TASP1: variants seen among roughly 807,000 people sequenced by gnomAD.
TASP1 encodes the protein taspase 1.
Under a neutral mutation model 56.6 loss-of-function variants are expected in TASP1, and 16 were observed. That is an observed-to-expected ratio of 0.28 (90% CI 0.19 to 0.43). The LOEUF is 0.43. Among genes scored for constraint, TASP1 ranks in the 20% least tolerant of loss-of-function variants. TASP1 has a pLI of 1.00. For synonymous variants in TASP1, 179 were observed against 184.2 expected (o/e 0.97, Z 0.23); for missense variants, 393 against 511.6 (o/e 0.77, Z 2.24).
the TASP1 span, among the ~76,000 whole-genome samples, chr20:13,276,621 G>A: frequency 6.6e-6 from 1 of 152,184 alleles, no homozygotes; most frequent in Non-Finnish European, 1.5e-5. Context: ...CTTCAATTAT[G>A]TGTGTTAAGG....
the TASP1 span, among the ~76,000 whole-genome samples, chr20:13,377,698 G>A: frequency 6.6e-6 from 1 of 152,078 alleles, no homozygotes; most frequent in Admixed American, 6.5e-5. Context: ...GAATCCATCT[G>A]GTCCTAGGTT....
At chr20:13,603,374 CA>C (rs147348649) in intron 4 of TASP1, among the ~76,000 whole-genome samples, 8 of 146,578 alleles carry the variant, frequency 5.5e-5, no homozygotes, top group South Asian at 4.3e-4. Context: ...TCAGTCTCTA[CA>C]AAAAAAAAAT....
At chr20:13,170,214 T>A in the TASP1 span, among the ~76,000 whole-genome samples, 1 of 152,204 alleles carries the variant, frequency 6.6e-6, no homozygotes, top group Non-Finnish European at 1.5e-5. Flanking sequence ...ATTCAAGTTA[T>A]GAGGGGATTA....
Position 13,435,044 on chromosome 20 carries a change from C to A in TASP1, c.1096G>T (p.Val366Leu). 1 of 1,606,032 alleles carries A rather than the reference C, an allele frequency of 6.2e-7. No individual in the cohort carries two copies. Among genetic ancestry groups the A allele is most frequent in the Non-Finnish European group, 8.5e-7 (1 of 1,175,218 alleles). ...DSSQNKQTLL[V>L]EFLWSHTTES... ...CACACAATGTATATGTCTCACTTAC[C>A]TAGAAGTGTCTGCTTATTTTGGGAG... The change falls in exon 12 of 14, where the codon GTG becomes TTG. Residue 366 changes from valine to leucine, a missense_variant and splice_region_variant. By Grantham distance (32) the Val-to-Leu change is conservative. Around this residue, in one of 3 missense-constraint regions of TASP1, gnomAD observed 293 missense variants for 354.2 expected, o/e 0.83. Coordinates refer to ENST00000337743, the MANE Select transcript of TASP1 (RefSeq NM_017714.3).
intron 11 of TASP1, among the ~76,000 whole-genome samples, chr20:13,454,794 C>G (rs1457042762): frequency 6.6e-6 from 1 of 152,100 alleles, no homozygotes; most frequent in African/African-American, 2.4e-5. Context: ...GTGTCAGTCC[C>G]TGGAGGCCTT....
At chr20:13,126,463 C>A in the TASP1 span, 4 of 1,070,592 alleles carry the variant, frequency 3.7e-6, no homozygotes, top group South Asian at 1.9e-5. Flanking sequence ...AAGTTGGACC[C>A]CATTCATCTT....
intron 4 of TASP1, among the ~76,000 whole-genome samples, chr20:13,612,969 G>A (rs1035467647): frequency 6.6e-6 from 1 of 152,120 alleles, no homozygotes; most frequent in Non-Finnish European, 1.5e-5. Context: ...TATAGAGGAT[G>A]GGTTTGAAGG....
intron 1 of TASP1, among the ~76,000 whole-genome samples, chr20:13,637,952 AATGT>A (rs1374050077): frequency 1.3e-5 from 2 of 152,242 alleles, no homozygotes; most frequent in Admixed American, 6.5e-5. Flanking sequence ...CAATGAACAC[AATGT>A]ATGTAACTAT....
At chr20:13,506,797 TAACATCA>T (rs1771217706) in intron 10 of TASP1, among the ~76,000 whole-genome samples, 1 of 151,576 alleles carries the variant, frequency 6.6e-6, no homozygotes, top group African/African-American at 2.4e-5. Flanking sequence ...GCTTTTCCTC[TAACATCA>T]GGAACAAGAT....
the TASP1 span, among the ~76,000 whole-genome samples, chr20:13,201,346 C>T: frequency 2.0e-5 from 3 of 151,740 alleles, no homozygotes; most frequent in East Asian, 3.9e-4. Flanking sequence ...ATTTCAGATG[C>T]GCTTTGGTGG....
intron 11 of TASP1, among the ~76,000 whole-genome samples, chr20:13,481,208 T>A (rs1341908697): frequency 1.3e-5 from 2 of 152,174 alleles, no homozygotes; most frequent in Non-Finnish European, 2.9e-5. Flanking sequence ...TCACTTAACA[T>A]AATGATCTCC....
At chr20:13,638,135 T>G (rs1371807528) in intron 1 of TASP1, among the ~76,000 whole-genome samples, 2 of 152,222 alleles carry the variant, frequency 1.3e-5, no homozygotes, top group Non-Finnish European at 2.9e-5. Context: ...CACTGCTTTT[T>G]GTAAGTGGTG....
chr20:13,552,974 T>C (rs1012979395), intron 8 of TASP1, among the ~76,000 whole-genome samples: 1 of 152,142 alleles, frequency 6.6e-6, no homozygotes, highest in African/African-American at 2.4e-5. Context: ...CTCACTCTGT[T>C]GCCCAGGCTG....
the TASP1 span, among the ~76,000 whole-genome samples, chr20:13,109,957 C>T: frequency 2.0e-5 from 3 of 152,150 alleles, no homozygotes; most frequent in South Asian, 4.1e-4. Flanking sequence ...GAAAAATAGA[C>T]CTCTGTCTCT....
At chr20:13,515,086 GT>G (rs1222910017) in intron 10 of TASP1, among the ~76,000 whole-genome samples, 5 of 152,192 alleles carry the variant, frequency 3.3e-5, no homozygotes, top group African/African-American at 9.6e-5. Context: ...ATCTTTTCAA[GT>G]TAGCAGTTTG....
chr20:13,379,755 T>C, the TASP1 span, among the ~76,000 whole-genome samples: 4 of 152,338 alleles, frequency 2.6e-5, no homozygotes, highest in African/African-American at 9.6e-5. Flanking sequence ...CTCATATTTC[T>C]TGGAGGCTTT....
At chr20:13,277,880 G>A in the TASP1 span, among the ~76,000 whole-genome samples, 14 of 152,026 alleles carry the variant, frequency 9.2e-5, no homozygotes, top group East Asian at 1.9e-4. Context: ...ACCACAGCCC[G>A]GGCCCATTGG....
intron 6 of TASP1, among the ~76,000 whole-genome samples, chr20:13,576,237 G>T: frequency 7.3e-6 from 1 of 136,664 alleles, no homozygotes; most frequent in Non-Finnish European, 1.6e-5. Context: ...GGGGAGGGGA[G>T]CGGAGGGAAG....
At chr20:13,413,231 C>T (rs1214038771) in intron 13 of TASP1, among the ~76,000 whole-genome samples, 1 of 152,144 alleles carries the variant, frequency 6.6e-6, no homozygotes, top group Non-Finnish European at 1.5e-5. Context: ...CATTGAGTTA[C>T]CACCCAGTGC....
Sources: allele counts gnomAD v4.1 joint callset (sites outside exome capture counted in the v4.1 genomes callset), GRCh38; gene constraint gnomAD v4.1.1; regional missense constraint gnomAD v4.1.1; transcripts MANE v1.5; gene names NCBI Gene and HGNC (gene_info 2026-07-23, HGNC 2026-07-21).